ALMS1: variants seen among roughly 807,000 people sequenced by gnomAD.
ALMS1 encodes the protein centrosome-associated protein ALMS1.
ALMS1 carries 271 observed loss-of-function variants against 352.2 expected under a neutral mutation model. That is an observed-to-expected ratio of 0.77 (90% CI 0.70 to 0.85). ALMS1 has a LOEUF of 0.85. ALMS1 is among the 40% of genes least tolerant of loss of function. The pLI, the probability that ALMS1 is intolerant of heterozygous loss-of-function variation, is 0.00. For missense variants in ALMS1, 5,445 were observed against 4,870.7 expected, an observed-to-expected ratio of 1.12 and a Z score of -3.51; for synonymous variants, 1,865 against 1,761.2, an observed-to-expected ratio of 1.06 and a Z score of -1.48.
rs1340224628 is a variant in ALMS1 at position 73,492,469 on chromosome 2, T to C, written c.9539+971T>C. On this transcript the variant is annotated intron_variant, in intron 10 of 22. Transcript: ENST00000613296. ...GTGGGCAAGAGAAAGAGCATTCAAA[T>C]GCATTCTGTTTAATCAGAGTAAGGA... is the stretch of plus-strand genomic sequence containing the variant. Among the ~76,000 whole-genome samples the C allele has an allele frequency of 2.6e-5, 4 of 152,206 alleles. No individual in the cohort carries two copies. In the East Asian group the frequency reaches 7.7e-4, roughly 29 times the overall value.
In ALMS1 at chr2:73,491,132, A is replaced by C. The variant is rs149329669; in HGVS notation, c.9173A>C (p.Lys3058Thr). The change falls in exon 10 of 23, where the codon AAG becomes ACG. Residue 3058 changes from lysine (K) to threonine (T), a missense_variant. Physicochemically the swap from Lys to Thr is moderately conservative, Grantham distance 78 (BLOSUM62 -1). Transcript: ENST00000613296. ...ACTCTTTGTCCCAAGACTTCTTCCA[A>C]GTTGGATAGTGGAACTTTAGATGAA... ...HITLCPKTSSKLDSGTLDERF... is the reference protein window; with the variant it reads ...HITLCPKTSSTLDSGTLDERF... 3.7e-6 allele frequency: 6 copies of C among 1,614,122 alleles called. No homozygotes were observed. In the Admixed American group the frequency reaches 1.0e-4, roughly 27 times the overall value.
rs771693568 is a variant in ALMS1 at position 73,450,207 on chromosome 2, A to G, written c.3680A>G (p.Gln1227Arg). ...TCACCTGTTCTTGGACCAGCTGACC[A>G]GAAGACTGGGACACCAACTCCAACC... ...KVSPVLGPAD[Q>R]KTGTPTPTSA... Residue 1227 changes from glutamine (Q) to arginine (R), a missense_variant, in exon 8 of 23, where the codon CAG becomes CGG. By Grantham distance (43) the Gln-to-Arg change is conservative (BLOSUM62 1). Transcript: ENST00000613296. 1 of 1,614,134 alleles carries G rather than the reference A, an allele frequency of 6.2e-7. No homozygotes were observed. Among genetic ancestry groups the G allele is most frequent in the Non-Finnish European group, 8.5e-7 (1 of 1,179,992 alleles).
intron 3 of ALMS1, 128 bp from the exon 4 acceptor site, chr2:73,422,729 A>G (rs1671308063): frequency 2.5e-6 from 2 of 793,842 alleles, no homozygotes; most frequent in Admixed American, 2.0e-5. Flanking sequence ...TGTTGCTTTT[A>G]TATTATTATT....
chr2:73,407,717 C>T (rs1231929408), intron 1 of ALMS1, among the ~76,000 whole-genome samples: 1 of 151,902 alleles, frequency 6.6e-6, no homozygotes, highest in Non-Finnish European at 1.5e-5. Context: ...GCCATCATGC[C>T]CAGCTAATTC....
At chr2:73,466,039 C>G (rs1164622693) in intron 9 of ALMS1, among the ~76,000 whole-genome samples, 1 of 152,038 alleles carries the variant, frequency 6.6e-6, no homozygotes, top group African/African-American at 2.4e-5. Flanking sequence ...GTTGGTGGGA[C>G]TATAAACTAG....
rs2103784862 is a variant in ALMS1, at chr2:73,451,543, C to A, written c.5016C>A (p.Val1672=). ...STSYSNRGKP[V]IFYQQTLSDS... ...GCTACTCAAATAGGGGGAAGCCTGT[C>A]ATTTTCTACCAGCAGACCCTATCAG... Residue 1672 remains valine (V), a synonymous_variant, in exon 8 of 23, where the codon GTC becomes GTA. Transcript: ENST00000613296. 2.5e-6 allele frequency: 4 copies of A among 1,613,698 alleles called. No homozygotes were observed. Among genetic ancestry groups the A allele is most frequent in the Non-Finnish European group, 3.4e-6 (4 of 1,179,876 alleles).
intron 15 of ALMS1, among the ~76,000 whole-genome samples, chr2:73,561,479 T>C (rs1003896139): frequency 9.2e-5 from 14 of 152,222 alleles, no homozygotes; most frequent in Non-Finnish European, 1.9e-4. Context: ...TTCTTTTTAA[T>C]TTTATTTTTC....
intron 13 of ALMS1, among the ~76,000 whole-genome samples, chr2:73,553,928 A>T (rs1361777735): frequency 6.6e-6 from 1 of 152,164 alleles, no homozygotes; most frequent in Non-Finnish European, 1.5e-5. Flanking sequence ...ACATAAAATG[A>T]TATGGTAGTA....
chr2:73,387,284 A>G (rs2103621866), intron 1 of ALMS1, among the ~76,000 whole-genome samples: 1 of 152,322 alleles, frequency 6.6e-6, no homozygotes, highest in South Asian at 2.1e-4. Context: ...GAACCCAAAC[A>G]TTTTTGGTCT....
At chr2:73,582,361 A>T (rs1675202973) in intron 16 of ALMS1, among the ~76,000 whole-genome samples, 1 of 152,172 alleles carries the variant, frequency 6.6e-6, no homozygotes, top group African/African-American at 2.4e-5. Flanking sequence ...GAGAGGGGTG[A>T]ATTTCTTGTG....
At chr2:73,395,032 A>ATATATGTGTGTG (rs1670727366) in intron 1 of ALMS1, among the ~76,000 whole-genome samples, 1 of 136,630 alleles carries the variant, frequency 7.3e-6, no homozygotes, top group Admixed American at 7.8e-5. Context: ...ATATGTGTAT[A>ATATATGTGTGTG]TATATGTGTG....
intron 1 of ALMS1, among the ~76,000 whole-genome samples, chr2:73,404,673 T>C (rs1670937843): frequency 6.6e-6 from 1 of 152,030 alleles, no homozygotes; most frequent in South Asian, 2.1e-4. Context: ...GAATTCTTAT[T>C]GGTAATATTT....
Position 73,534,876 on chromosome 2 carries a change from T to C in ALMS1, c.9834T>C (p.Tyr3278=), listed in dbSNP as rs1573000972. 5 of 1,613,562 alleles carry C rather than the reference T, an allele frequency of 3.1e-6. No individual in the cohort carries two copies. The highest frequency in any genetic ancestry group is 1.3e-5 in the African/African-American group (1 of 74,920). Reference sequence around the variant, plus strand: ...CTTCTGGTAGTACCAAGATGTATTATGTTCCACAATTAAGACAAATTCCTC... The same window carrying C: ...CTTCTGGTAGTACCAAGATGTATTACGTTCCACAATTAAGACAAATTCCTC... ...YKPSGSTKMY[Y]VPQLRQIPPS... is the part of the protein sequence containing the mutation. Residue 3278 remains tyrosine (Y), a synonymous_variant, in exon 12 of 23, where the codon TAT becomes TAC. Transcript: ENST00000613296.
chr2:73,559,953 C>T (rs1266589377), intron 15 of ALMS1, among the ~76,000 whole-genome samples: 1 of 152,170 alleles, frequency 6.6e-6, no homozygotes, highest in Non-Finnish European at 1.5e-5. Flanking sequence ...AAGGGGAACA[C>T]TTCAGGACAT....
At chr2:73,540,903 A>C (rs1290859217) in intron 12 of ALMS1, among the ~76,000 whole-genome samples, 4 of 152,246 alleles carry the variant, frequency 2.6e-5, no homozygotes, top group Admixed American at 2.6e-4. Context: ...AAAGAGACTT[A>C]GACTCCCACA....
intron 2 of ALMS1, among the ~76,000 whole-genome samples, chr2:73,414,489 G>GTTTTTTTTTTTTTTTT (rs11395837): frequency 5.3e-4 from 50 of 94,236 alleles, no homozygotes; most frequent in East Asian, 2.7e-3. Flanking sequence ...TTTTTTTTTT[G>GTTTTTTTTTTTTTTTT]TTTTTTTTTT....
intron 12 of ALMS1, among the ~76,000 whole-genome samples, chr2:73,544,680 A>G (rs1674274952): frequency 6.6e-6 from 1 of 152,188 alleles, no homozygotes; most frequent in South Asian, 2.1e-4. Flanking sequence ...GAATTATAGT[A>G]TGATCCAGTA....
Position 73,449,842 on chromosome 2 carries a change from T to TGCAGACC in ALMS1, c.3315_3316insGCAGACC (p.Phe1106AlafsTer15). Reference sequence around the variant, plus strand: ...ACTCACAAAGAGAGAAGCCTGGTATTTTCTACCAACAGACCTTGCCAGAGA... The same window carrying TGCAGACC: ...ACTCACAAAGAGAGAAGCCTGGTATTGCAGACCTTCTACCAACAGACCTTGCCAGAGA... On this transcript the variant is annotated frameshift_variant, in exon 8 of 23. Transcript: ENST00000613296. LOFTEE classifies it high-confidence loss of function. 6.2e-7 allele frequency: 1 copy of TGCAGACC among 1,613,944 alleles called. No homozygotes were observed. The highest frequency in any genetic ancestry group is 1.1e-5 in the South Asian group (1 of 91,082).
At chr2:73,430,376 G>A (rs755384198) in intron 6 of ALMS1, among the ~76,000 whole-genome samples, 46 of 151,966 alleles carry the variant, frequency 3.0e-4, no homozygotes, top group Non-Finnish European at 2.8e-4. Context: ...GTGCCTGGCC[G>A]GTATTACCTA....
Sources: allele counts gnomAD v4.1 joint callset (sites outside exome capture counted in the v4.1 genomes callset), GRCh38; gene constraint gnomAD v4.1.1; transcripts MANE v1.5; gene names NCBI Gene and HGNC (gene_info 2026-07-23, HGNC 2026-07-21).